The following SKAP1 variants were observed in gnomAD, a reference collection of about 807,000 sequenced individuals.
The protein encoded by SKAP1 is src kinase-associated phosphoprotein 1.
A neutral mutation model predicts 58.5 loss-of-function variants in SKAP1; 44 were observed. That is an observed-to-expected ratio of 0.75 (90% CI 0.59 to 0.97). The LOEUF (loss-of-function observed/expected upper bound fraction) is 0.97, where lower values mean the gene tolerates loss of function less well. Among genes scored for constraint, SKAP1 ranks in the 50% least tolerant of loss-of-function variants. The pLI is 0.00. For synonymous variants in SKAP1, 127 were observed against 149.7 expected (o/e 0.85, Z 1.11); for missense variants, 390 against 435.2 (o/e 0.90, Z 0.92).
chr17:48,164,603 A>C (rs1001107750), intron 10 of SKAP1, among the ~76,000 whole-genome samples: 30 of 152,234 alleles, frequency 2.0e-4, no homozygotes, highest in African/African-American at 7.2e-4. Flanking sequence ...GCTAGGAGAA[A>C]AACAGAAGCC....
chr17:48,136,466 C>G (rs890789687), intron 12 of SKAP1: 1 of 152,332 alleles, frequency 6.6e-6, no homozygotes, highest in African/African-American at 2.4e-5. Flanking sequence ...CCCCTGCGCC[C>G]GGCCTGACCT....
At chr17:48,266,100 A>T (rs2065545783) in intron 4 of SKAP1, among the ~76,000 whole-genome samples, 1 of 152,012 alleles carries the variant, frequency 6.6e-6, no homozygotes, top group East Asian at 1.9e-4. Flanking sequence ...AGCTGGAAAT[A>T]TTTCCGAGAT....
rs112684146 is a variant in SKAP1 at position 48,285,162 on chromosome 17, G to A, written c.280+60743C>T. ...TTTATGGTATTTGCTTTATGGCCAA[G>A]ATGTTATTAAGTATGAGAAATGAGG... is the stretch of plus-strand genomic sequence containing the variant. On this transcript the variant is annotated intron_variant, in intron 4 of 12. Coordinates refer to ENST00000336915, the MANE Select transcript of SKAP1 (RefSeq NM_003726.4). Among the ~76,000 whole-genome samples, 609 of 152,318 alleles carry A rather than the reference G, an allele frequency of 4.0e-3. 7 individuals are homozygous for A. The highest frequency in any genetic ancestry group is 0.014 in the African/African-American group (583 of 41,560).
At chr17:48,226,105 C>T (rs905241701) in intron 4 of SKAP1, among the ~76,000 whole-genome samples, 1 of 152,184 alleles carries the variant, frequency 6.6e-6, no homozygotes, top group African/African-American at 2.4e-5. Context: ...TATTAGTAAA[C>T]ATTCTCTGTG....
chr17:48,403,754 A>G (rs2067532544), intron 1 of SKAP1, among the ~76,000 whole-genome samples: 1 of 152,102 alleles, frequency 6.6e-6, no homozygotes, highest in Non-Finnish European at 1.5e-5. Flanking sequence ...CCACAAAGAG[A>G]AAGAGGTGGT....
At chr17:48,207,761 C>G (rs2064827368) in intron 4 of SKAP1, among the ~76,000 whole-genome samples, 1 of 152,094 alleles carries the variant, frequency 6.6e-6, no homozygotes, top group African/African-American at 2.4e-5. Context: ...GGGTCAGAAG[C>G]CCAGGGTATA....
intron 9 of SKAP1, among the ~76,000 whole-genome samples, chr17:48,172,482 TG>T (rs990192719): frequency 8.5e-5 from 13 of 152,320 alleles, no homozygotes; most frequent in African/African-American, 3.1e-4. Context: ...ATTTTATACA[TG>T]GGGCAAAGTG....
At chr17:48,170,544 T>G in intron 10 of SKAP1, 65 bp downstream of exon 10, 1 of 1,328,596 alleles carries the variant, frequency 7.5e-7, no homozygotes, top group Non-Finnish European at 1.1e-6. Flanking sequence ...CAGAGAAAGG[T>G]GCTTTCTCTA....
intron 11 of SKAP1, among the ~76,000 whole-genome samples, chr17:48,139,222 C>T (rs2063739446): frequency 6.6e-6 from 1 of 150,748 alleles, no homozygotes. Flanking sequence ...CGCTCTTTTG[C>T]CCGGTCTGGA....
At chr17:48,215,817 A>G (rs2064933035) in intron 4 of SKAP1, among the ~76,000 whole-genome samples, 1 of 152,168 alleles carries the variant, frequency 6.6e-6, no homozygotes, top group Admixed American at 6.5e-5. Flanking sequence ...CAGCCCCAGC[A>G]TCACCAGCTC....
intron 1 of SKAP1, among the ~76,000 whole-genome samples, chr17:48,419,807 A>T (rs752228490): frequency 2.4e-4 from 36 of 152,094 alleles, no homozygotes; most frequent in Non-Finnish European, 4.3e-4. Context: ...TAAAAATTTT[A>T]TTTTCCCATA....
chr17:48,320,558 C>A (rs542503256), intron 4 of SKAP1, among the ~76,000 whole-genome samples: 2 of 152,226 alleles, frequency 1.3e-5, no homozygotes, highest in African/African-American at 4.8e-5. Flanking sequence ...TCTTAAAAAT[C>A]TTACTAAGGC....
At chr17:48,228,074 T>C (rs2065088105) in intron 4 of SKAP1, among the ~76,000 whole-genome samples, 1 of 152,146 alleles carries the variant, frequency 6.6e-6, no homozygotes, top group Admixed American at 6.6e-5. Context: ...ACAATTAAGT[T>C]GCAGGCTTAT....
At chr17:48,245,081 G>T (rs528131921) in intron 4 of SKAP1, among the ~76,000 whole-genome samples, 7 of 152,240 alleles carry the variant, frequency 4.6e-5, no homozygotes, top group Admixed American at 1.3e-4. Flanking sequence ...TTCCTTCCTG[G>T]GGAACAGTTT....
intron 2 of SKAP1, among the ~76,000 whole-genome samples, chr17:48,378,566 G>A (rs936609695): frequency 2.9e-4 from 44 of 151,934 alleles, no homozygotes; most frequent in African/African-American, 8.7e-4. Flanking sequence ...GGTCCTCCCC[G>A]GCTCCCGTTC....
intron 1 of SKAP1, among the ~76,000 whole-genome samples, chr17:48,405,434 TTTCTTTCTTTCTTTCTTTTCTTTC>T (rs1330424519): frequency 1.5e-3 from 128 of 83,890 alleles, no homozygotes; most frequent in African/African-American, 5.2e-3. Context: ...TCTTTCTTTC[TTTCTTTCTTTCTTTCTTTTCTTTC>T]TTTCTTTCCT....
chr17:48,252,803 A>G (rs2065380685), intron 4 of SKAP1, among the ~76,000 whole-genome samples: 1 of 151,290 alleles, frequency 6.6e-6, no homozygotes, highest in Admixed American at 6.6e-5. Context: ...CACAGCCAAT[A>G]TGAGGGAGGA....
chr17:48,376,431 T>C (rs540815696), intron 2 of SKAP1, among the ~76,000 whole-genome samples: 54 of 152,322 alleles, frequency 3.5e-4, no homozygotes, highest in Admixed American at 1.7e-3. Context: ...AAAAATGTGA[T>C]ATTCATTTAA....
At chr17:48,147,660 T>G (rs1037337335) in intron 11 of SKAP1, among the ~76,000 whole-genome samples, 7 of 152,312 alleles carry the variant, frequency 4.6e-5, no homozygotes, top group African/African-American at 1.7e-4. Flanking sequence ...TTAGTGATGT[T>G]GGAACTTGTG....
Sources: allele counts gnomAD v4.1 joint callset (sites outside exome capture counted in the v4.1 genomes callset), GRCh38; gene constraint gnomAD v4.1.1; transcripts MANE v1.5; gene names NCBI Gene and HGNC (gene_info 2026-07-23, HGNC 2026-07-21).